FARS2: variants seen among roughly 807,000 people sequenced by gnomAD.
The protein encoded by FARS2 is phenylalanine--tRNA ligase, mitochondrial.
In FARS2, 40 loss-of-function variants were observed where a neutral mutation model predicts 46.4. That is an observed-to-expected ratio of 0.86 (90% confidence interval 0.67 to 1.12). The LOEUF is 1.12. Among genes scored for constraint, FARS2 ranks in the 50% most tolerant of loss-of-function variants. The pLI is 0.00. For missense variants in FARS2, 513 were observed against 567.9 expected, an observed-to-expected ratio of 0.90 and a Z score of 0.98; for synonymous variants, 234 against 214.9, an observed-to-expected ratio of 1.09 and a Z score of -0.78.
At chr6:5,439,833 C>T (rs111587049) in intron 4 of FARS2, among the ~76,000 whole-genome samples, 4 of 152,284 alleles carry the variant, frequency 2.6e-5, no homozygotes, top group African/African-American at 9.6e-5. Context: ...CTTCCTCCTG[C>T]CCTCCCTTCC....
intron 6 of FARS2, among the ~76,000 whole-genome samples, chr6:5,618,366 A>T (rs1775584182): frequency 1.3e-5 from 2 of 152,174 alleles, no homozygotes; most frequent in Admixed American, 1.3e-4. Flanking sequence ...CCTTGACCTC[A>T]AGATTTATTT....
intron 5 of FARS2, 79 bp downstream of exon 5, chr6:5,545,419 C>A: frequency 9.2e-7 from 1 of 1,084,338 alleles, no homozygotes; most frequent in Non-Finnish European, 1.3e-6. Flanking sequence ...ACTTGAAAGC[C>A]ACTGAATTTT....
At chr6:5,652,010 T>G (rs1384606545) in intron 6 of FARS2, among the ~76,000 whole-genome samples, 1 of 152,102 alleles carries the variant, frequency 6.6e-6, no homozygotes, top group Non-Finnish European at 1.5e-5. Flanking sequence ...CTTAGTTTAC[T>G]GTGGAGCTCA....
At chr6:5,609,515 A>G in intron 5 of FARS2, 10 of 1,234,664 alleles carry the variant, frequency 8.1e-6, no homozygotes, top group African/African-American at 1.5e-5. Flanking sequence ...CAAAGCCACC[A>G]TGACCACTGA....
intron 6 of FARS2, among the ~76,000 whole-genome samples, chr6:5,742,236 G>T (rs1761388273): frequency 6.6e-6 from 1 of 152,178 alleles, no homozygotes; most frequent in Non-Finnish European, 1.5e-5. Context: ...CCCATTTGGG[G>T]TGCAGCTTTC....
At chr6:5,499,655 G>A (rs142338672) in intron 4 of FARS2, among the ~76,000 whole-genome samples, 251 of 152,224 alleles carry the variant, frequency 1.6e-3, no homozygotes, top group Middle Eastern at 3.4e-3. Context: ...AGTTCTTACC[G>A]TTTGCTGTAG....
At chr6:5,770,107 C>T (rs894348858) in intron 6 of FARS2, among the ~76,000 whole-genome samples, 2 of 152,104 alleles carry the variant, frequency 1.3e-5, no homozygotes, top group Admixed American at 1.3e-4. Context: ...CATGAAGTGT[C>T]GGGAGGACCC....
chr6:5,305,048 C>T (rs144518060), intron 1 of FARS2, among the ~76,000 whole-genome samples: 1 of 152,138 alleles, frequency 6.6e-6, no homozygotes, highest in South Asian at 2.1e-4. Context: ...GTGGACTGCA[C>T]AAAGCACCTC....
intron 1 of FARS2, among the ~76,000 whole-genome samples, chr6:5,303,665 T>G (rs748669554): frequency 2.0e-5 from 3 of 151,968 alleles, no homozygotes; most frequent in Non-Finnish European, 2.9e-5. Flanking sequence ...CCTCCATCTT[T>G]GTGATTATTG....
intron 3 of FARS2, among the ~76,000 whole-genome samples, chr6:5,408,797 C>T (rs949128706): frequency 3.3e-5 from 5 of 152,156 alleles, no homozygotes; most frequent in African/African-American, 1.2e-4. Flanking sequence ...ACGGTCATGG[C>T]TGATTCGCCT....
chr6:5,260,045 G>T (rs756508279), upstream of FARS2, among the ~76,000 whole-genome samples: 5 of 152,194 alleles, frequency 3.3e-5, no homozygotes, highest in Non-Finnish European at 4.4e-5. Flanking sequence ...CCAGTAAGCG[G>T]GATCTCTGTC....
At chr6:5,655,329 T>A (rs911551435) in intron 6 of FARS2, among the ~76,000 whole-genome samples, 1 of 152,196 alleles carries the variant, frequency 6.6e-6, no homozygotes, top group Non-Finnish European at 1.5e-5. Context: ...TTTTTTTCAT[T>A]CCTTTTTGTG....
intron 1 of FARS2, among the ~76,000 whole-genome samples, chr6:5,350,196 T>TG (rs1757490769): frequency 4.2e-5 from 6 of 143,042 alleles, no homozygotes; most frequent in Non-Finnish European, 7.6e-5. Flanking sequence ...TTTGTAGAGT[T>TG]GGGGTCTCAC....
chr6:5,535,860 C>G (rs1430676132), intron 4 of FARS2, among the ~76,000 whole-genome samples: 1 of 152,086 alleles, frequency 6.6e-6, no homozygotes, highest in Admixed American at 6.5e-5. Context: ...TTGAGCCATT[C>G]TTGCTTGCAC....
intron 2 of FARS2, among the ~76,000 whole-genome samples, chr6:5,397,972 T>C (rs1761007627): frequency 6.6e-6 from 1 of 152,234 alleles, no homozygotes; most frequent in Non-Finnish European, 1.5e-5. Flanking sequence ...ATTCATATTC[T>C]ACATTTTTGA....
At chr6:5,443,764 T>A (rs1333326225) in intron 4 of FARS2, among the ~76,000 whole-genome samples, 1 of 152,224 alleles carries the variant, frequency 6.6e-6, no homozygotes, top group Non-Finnish European at 1.5e-5. Flanking sequence ...TGATAAAACA[T>A]ACATTGTAGT....
intron 3 of FARS2, among the ~76,000 whole-genome samples, chr6:5,420,014 CA>C (rs1490546677): frequency 6.6e-6 from 1 of 152,162 alleles, no homozygotes; most frequent in Non-Finnish European, 1.5e-5. Flanking sequence ...AATGGAGTTA[CA>C]GTTCCACCTG....
rs544449080 is a variant in FARS2 at position 5,486,760 on chromosome 6, C to T, written c.904+55588C>T. 5.3e-5 allele frequency among the ~76,000 whole-genome samples: 8 copies of T among 152,338 alleles called. No individual in the cohort carries two copies. The East Asian group carries it at 5.8e-4, about 11-fold the overall frequency. On this transcript the variant is annotated intron_variant, in intron 4 of 6. Transcript: ENST00000274680. ...ATCCCCCGTGGTCAGCTGTCAGCCA[C>T]GTTTCCATCATGGGAATGCATGCAC...
chr6:5,251,570 C>T, the FARS2 span, among the ~76,000 whole-genome samples: 2 of 152,150 alleles, frequency 1.3e-5, no homozygotes, highest in Non-Finnish European at 2.9e-5. Flanking sequence ...ACAACCGGAT[C>T]TCATGAGAAC....
Sources: gnomAD v4.1 joint callset for allele counts (sites outside exome capture counted in the v4.1 genomes callset) on GRCh38, gnomAD v4.1.1 for gene constraint, MANE v1.5 for transcripts, NCBI Gene and HGNC (gene_info 2026-07-23, HGNC 2026-07-21) for gene names.